Variants in DNAH10 observed in about 807,000 individuals in gnomAD.
The protein encoded by DNAH10 is dynein axonemal heavy chain 10.
In DNAH10, 348 loss-of-function variants were observed where a neutral mutation model predicts 506.6. The observed-to-expected ratio is 0.69, with a 90% CI of 0.63 to 0.75. The LOEUF is 0.75. DNAH10 is among the 30% of genes least tolerant of loss of function. The probability of loss-of-function intolerance (pLI) is 0.00; values close to 1 mark genes in which losing one functional copy is unlikely to be tolerated. For synonymous variants in DNAH10, 2,059 were observed against 2,198.6 expected (o/e 0.94, Z 1.78); for missense variants, 5,179 against 5,787.1 (o/e 0.89, Z 3.41).
At chr12:123,906,399 GC>G (rs1953783716) in intron 57 of DNAH10, among the ~76,000 whole-genome samples, 1 of 151,872 alleles carries the variant, frequency 6.6e-6, no homozygotes, top group Admixed American at 6.6e-5. Flanking sequence ...CCACCACCAT[GC>G]CCGGCTAATG....
At chr12:123,858,212 G>C (rs1388047982) in intron 37 of DNAH10, among the ~76,000 whole-genome samples, 1 of 152,102 alleles carries the variant, frequency 6.6e-6, no homozygotes, top group Non-Finnish European at 1.5e-5. Flanking sequence ...GCAGGGATAG[G>C]ATTTGGATCC....
intron 1 of DNAH10, among the ~76,000 whole-genome samples, chr12:123,763,925 G>C (rs1472022777): frequency 6.6e-6 from 1 of 150,748 alleles, no homozygotes; most frequent in East Asian, 2.0e-4. Context: ...GAGTGCAGTG[G>C]TGCAATCTCG....
chr12:123,928,123 C>T lies in DNAH10; in HGVS notation c.12106-264C>T. 1 of 565,774 alleles carries T rather than the reference C, an allele frequency of 1.8e-6. No homozygotes were observed. The highest frequency in any genetic ancestry group is 3.2e-6 in the Non-Finnish European group (1 of 316,684). The allele number at this position is 565,774 out of a possible 1,614,324, so 35.0% of individuals were successfully genotyped here. Reference sequence around the variant, plus strand: ...GACTGTGTGGGAGGAGCTGGGACTTCCAGGGCCAGGGAGGCAGATGAGTGC... The same window carrying T: ...GACTGTGTGGGAGGAGCTGGGACTTTCAGGGCCAGGGAGGCAGATGAGTGC... On this transcript the variant is annotated intron_variant, in intron 69 of 78. Coordinates refer to ENST00000673944, the MANE Select transcript of DNAH10 (RefSeq NM_001372106.1). The surrounding 1 kb of genome is among the most constrained non-coding windows in gnomAD (Gnocchi z 4.9).
At chr12:123,875,817 C>T (rs1416553040) in intron 47 of DNAH10, among the ~76,000 whole-genome samples, 2 of 152,088 alleles carry the variant, frequency 1.3e-5, no homozygotes, top group Non-Finnish European at 2.9e-5. Context: ...CAGGCTGGGG[C>T]CCTGGAGTCA....
intron 78 of DNAH10, 75 bp downstream of exon 78, chr12:123,934,841 C>G (rs1370700431): frequency 6.4e-7 from 1 of 1,574,264 alleles, no homozygotes; most frequent in African/African-American, 1.4e-5. Flanking sequence ...GAGGTGGTTT[C>G]CAACAGTCCT....
intron 35 of DNAH10, among the ~76,000 whole-genome samples, chr12:123,852,160 T>G (rs1951200014): frequency 6.6e-6 from 1 of 152,212 alleles, no homozygotes; most frequent in Admixed American, 6.5e-5. Flanking sequence ...TTTGTCACTT[T>G]GAGAATGTTC....
chr12:123,774,400 G>T (rs112224501), intron 5 of DNAH10, 136 bp downstream of exon 5: 3 of 597,588 alleles, frequency 5.0e-6, no homozygotes, highest in East Asian at 3.0e-5. Flanking sequence ...AGACCAGCTC[G>T]GTTGGGGAGA....
intron 25 of DNAH10, among the ~76,000 whole-genome samples, chr12:123,828,124 C>T (rs762983538): frequency 4.6e-5 from 7 of 151,708 alleles, no homozygotes; most frequent in Non-Finnish European, 1.0e-4. Context: ...AAATAAACTT[C>T]CACCACCACT....
At chr12:123,879,193 A>C (rs1566035834) in intron 48 of DNAH10, 71 bp from the exon 49 acceptor site, 1 of 1,313,868 alleles carries the variant, frequency 7.6e-7, no homozygotes, top group Non-Finnish European at 1.1e-6. Context: ...GTCTGTCTGA[A>C]TGTCACAGCC....
chr12:123,778,476 C>T (rs1298571353), intron 5 of DNAH10, among the ~76,000 whole-genome samples: 1 of 152,106 alleles, frequency 6.6e-6, no homozygotes, highest in Non-Finnish European at 1.5e-5. Context: ...GGATGGATCA[C>T]CTGAGGTCAG....
At chr12:123,777,672 G>A (rs149868044) in intron 5 of DNAH10, among the ~76,000 whole-genome samples, 295 of 152,198 alleles carry the variant, frequency 1.9e-3, no homozygotes, top group African/African-American at 6.5e-3. Flanking sequence ...TTGAGACAGC[G>A]TCTCATTCTG....
chr12:123,832,048 G>A (rs996483487), intron 26 of DNAH10, among the ~76,000 whole-genome samples: 26 of 152,064 alleles, frequency 1.7e-4, no homozygotes, highest in African/African-American at 4.8e-4. Flanking sequence ...GTATACACAC[G>A]TATATGCATG....
At chr12:123,841,180 G>A (rs1317284191) in intron 29 of DNAH10, 142 bp from the exon 30 acceptor site, 8 of 798,014 alleles carry the variant, frequency 1.0e-5, no homozygotes, top group South Asian at 4.7e-5. Context: ...GTGGGTGAAC[G>A]ACATCCATCT....
intron 19 of DNAH10, among the ~76,000 whole-genome samples, chr12:123,810,013 C>T (rs1358400569): frequency 6.6e-6 from 1 of 152,284 alleles, no homozygotes; most frequent in East Asian, 1.9e-4. Context: ...ACTCTCCGAC[C>T]TTTTCTTATT....
chr12:123,934,348 C>T lies in DNAH10; in HGVS notation c.13478-273C>T, dbSNP rs961101212. ...TCTAAGTCCGTGGGCCTTGATGCCCCAGGAATGAGGATTCCTGGGGGAGAG... is the reference window on the plus strand; with the variant it reads ...TCTAAGTCCGTGGGCCTTGATGCCCTAGGAATGAGGATTCCTGGGGGAGAG... On this transcript the variant is annotated intron_variant, in intron 77 of 78. Transcript: ENST00000673944. 6.8e-5 allele frequency: 45 copies of T among 665,948 alleles called. No individual in the cohort carries two copies. In the East Asian group the frequency reaches 1.2e-3, roughly 18 times the overall value. 41.3% of individuals were successfully genotyped at this position (665,948 alleles called of 1,614,324 possible).
intron 9 of DNAH10, among the ~76,000 whole-genome samples, chr12:123,786,382 A>G (rs1011279605): frequency 1.0e-4 from 15 of 150,418 alleles, no homozygotes; most frequent in Non-Finnish European, 1.8e-4. Flanking sequence ...TGCAGCCGTA[A>G]CCACTATCAA....
chr12:123,853,191 T>C lies in DNAH10; in HGVS notation c.6292-15T>C, dbSNP rs764216322. 7 of 1,566,972 alleles carry C rather than the reference T, an allele frequency of 4.5e-6. No individual in the cohort carries two copies. In the Admixed American group the frequency reaches 5.7e-5, roughly 13 times the overall value. On this transcript the variant is annotated splice_polypyrimidine_tract_variant and intron_variant, in intron 35 of 78. Transcript: ENST00000673944. This position sits in a 1 kb window ranked among gnomAD's most constrained non-coding sequence, Gnocchi z 4.7. ...TTTTTTCTTTTTTTTTGTATTATTA[T>C]CTTCTATCAAAAAGACTCTGGCGAA...
chr12:123,916,410 C>A lies in DNAH10; in HGVS notation c.10723-47C>A. ...CATTCTCCCCTTATATTTGGCAGGG[C>A]CACAGTTAAACGTGGGCTTTCAGCA... is the stretch of plus-strand genomic sequence containing the variant. On this transcript the variant is annotated intron_variant, in intron 62 of 78. Transcript: ENST00000673944. This position sits in a 1 kb window ranked among gnomAD's most constrained non-coding sequence, Gnocchi z 4.6. 6.4e-7 allele frequency: 1 copy of A among 1,564,084 alleles called. No homozygotes were observed. The highest frequency in any genetic ancestry group is 1.9e-4 in the Middle Eastern group (1 of 5,230).
chr12:123,850,303 G>A lies in DNAH10; in HGVS notation c.6103-585G>A, dbSNP rs765545382. 1.1e-4 allele frequency among the ~76,000 whole-genome samples: 17 copies of A among 151,994 alleles called. No homozygotes were observed. The highest frequency in any genetic ancestry group is 1.7e-4 in the African/African-American group (7 of 41,370). On this transcript the variant is annotated intron_variant, in intron 34 of 78. Coordinates refer to ENST00000673944, the MANE Select transcript of DNAH10 (RefSeq NM_001372106.1). This position sits in a 1 kb window ranked among gnomAD's most constrained non-coding sequence, Gnocchi z 5.5. ...AAAGGCTAAGAATATAGGGATTTCC[G>A]TGGTTTGTTGGTACCTGGGGCAACC...
Sources: allele counts gnomAD v4.1 joint callset (sites outside exome capture counted in the v4.1 genomes callset), GRCh38; gene constraint gnomAD v4.1.1; non-coding constraint Gnocchi (gnomAD v3.1); transcripts MANE v1.5; gene names NCBI Gene and HGNC (gene_info 2026-07-23, HGNC 2026-07-21).